Variants in DCLK1 observed in about 807,000 individuals in gnomAD.
The protein encoded by DCLK1 is doublecortin like kinase 1, also known as serine/threonine-protein kinase DCLK1.
DCLK1 carries 16 observed loss-of-function variants against 86.2 expected under a neutral mutation model. That is an observed-to-expected ratio of 0.19 (90% CI 0.13 to 0.28). The LOEUF (loss-of-function observed/expected upper bound fraction) is 0.28. Ranked by LOEUF, DCLK1 falls within the 10% of genes least tolerant of loss-of-function variation. DCLK1 has a pLI of 1.00. For missense variants in DCLK1, 590 were observed against 940.2 expected (o/e 0.63, Z 4.87); for synonymous variants, 369 against 370.5 (o/e 1.00, Z 0.05).
chr13:35,976,166 T>C (rs1456894879), intron 3 of DCLK1, among the ~76,000 whole-genome samples: 4 of 152,014 alleles, frequency 2.6e-5, no homozygotes, highest in Non-Finnish European at 5.9e-5. Flanking sequence ...TTCAAAGCAT[T>C]GTAGGGTGGG....
rs960082382 is a variant in DCLK1, at chr13:35,772,119, T to C, written c.*2416A>G. On this transcript the variant is annotated 3_prime_UTR_variant, in exon 17 of 17. Transcript: ENST00000360631. Reference sequence around the variant, plus strand: ...ACTTGACTGGTCACATTCCACTGTTTATTCAGCATAGATCACTCAAATTCT... The same window carrying C: ...ACTTGACTGGTCACATTCCACTGTTCATTCAGCATAGATCACTCAAATTCT... 1.3e-5 allele frequency: 2 copies of C among 152,210 alleles called. No homozygotes were observed. Among genetic ancestry groups the C allele is most frequent in the African/African-American group, 4.8e-5 (2 of 41,458 alleles). 9.4% of individuals were successfully genotyped at this position (152,210 alleles called of 1,614,324 possible).
chr13:35,934,251 A>G (rs576544715), intron 4 of DCLK1, among the ~76,000 whole-genome samples: 1 of 151,970 alleles, frequency 6.6e-6, no homozygotes, highest in South Asian at 2.1e-4. Flanking sequence ...AACTGTTCCA[A>G]CCTCTGCCTG....
chr13:35,855,478 C>T (rs1266115895), intron 5 of DCLK1: 9 of 1,587,978 alleles, frequency 5.7e-6, no homozygotes, highest in East Asian at 2.3e-5. Context: ...AAATGCTTTC[C>T]ACAAGGGAGA....
intron 4 of DCLK1, among the ~76,000 whole-genome samples, chr13:35,916,221 G>T (rs1438731173): frequency 6.6e-6 from 1 of 152,092 alleles, no homozygotes; most frequent in African/African-American, 2.4e-5. Context: ...CATAAATAAC[G>T]TTTGCATTTG....
At position 35,771,993 on chromosome 13, in the gene DCLK1, T is replaced by C. The variant is rs938319244; in HGVS notation, c.*2542A>G. ...GATACACCAATGTAGTCAGCATGCC[T>C]TGTGCTTGTCTGTTAACCCTCTGAG... On this transcript the variant is annotated 3_prime_UTR_variant, in exon 17 of 17. Transcript: ENST00000360631. 1.3e-5 allele frequency: 2 copies of C among 152,222 alleles called. No homozygotes were observed. Among genetic ancestry groups the C allele is most frequent in the African/African-American group, 4.8e-5 (2 of 41,454 alleles). 9.4% of individuals were successfully genotyped at this position (152,222 alleles called of 1,614,324 possible).
intron 15 of DCLK1, among the ~76,000 whole-genome samples, chr13:35,803,742 G>A (rs558562507): frequency 6.6e-5 from 10 of 152,182 alleles, no homozygotes; most frequent in African/African-American, 2.2e-4. Flanking sequence ...CAAATCACTC[G>A]ACTACTCACC....
chr13:35,932,998 C>T (rs1876541209), intron 4 of DCLK1, among the ~76,000 whole-genome samples: 1 of 152,178 alleles, frequency 6.6e-6, no homozygotes, highest in Admixed American at 6.5e-5. Flanking sequence ...TAGTTACTTC[C>T]TAGATACAAT....
At chr13:35,860,803 G>A (rs951492453) in intron 5 of DCLK1, among the ~76,000 whole-genome samples, 3 of 152,184 alleles carry the variant, frequency 2.0e-5, no homozygotes, top group Non-Finnish European at 4.4e-5. Flanking sequence ...GTACTGCAGG[G>A]CTGGGGAAGA....
At chr13:36,083,193 G>A (rs994974576) in intron 3 of DCLK1, among the ~76,000 whole-genome samples, 10 of 152,156 alleles carry the variant, frequency 6.6e-5, no homozygotes, top group Non-Finnish European at 1.0e-4. Flanking sequence ...AAAAAGACCA[G>A]GTTATCTTGA....
intron 3 of DCLK1, among the ~76,000 whole-genome samples, chr13:36,031,210 A>G (rs966655524): frequency 3.3e-5 from 5 of 152,188 alleles, no homozygotes; most frequent in Non-Finnish European, 7.3e-5. Flanking sequence ...CCAAAATCAA[A>G]TTAGCAAATA....
chr13:35,929,820 C>G (rs1052168877), intron 4 of DCLK1, among the ~76,000 whole-genome samples: 4 of 150,890 alleles, frequency 2.7e-5, no homozygotes, highest in Non-Finnish European at 5.9e-5. Context: ...AGTGATTCAG[C>G]CTATTGAAAA....
chr13:35,855,319 T>C (rs1158147540), intron 5 of DCLK1, among the ~76,000 whole-genome samples: 2 of 152,192 alleles, frequency 1.3e-5, no homozygotes, highest in Non-Finnish European at 2.9e-5. Flanking sequence ...AGTAACATCA[T>C]CTCTAACAAC....
At chr13:35,955,812 G>A (rs1328789340) in intron 3 of DCLK1, among the ~76,000 whole-genome samples, 2 of 152,094 alleles carry the variant, frequency 1.3e-5, no homozygotes, top group South Asian at 4.1e-4. Flanking sequence ...AGAACACCAG[G>A]GATGAGCAGC....
chr13:35,871,088 C>T (rs1173050605), intron 5 of DCLK1, 136 bp downstream of exon 5: 7 of 656,524 alleles, frequency 1.1e-5, no homozygotes, highest in East Asian at 5.4e-5. Flanking sequence ...TCTGTTCAAC[C>T]GCTCTAAGAT....
chr13:35,838,452 T>G (rs533210342), intron 7 of DCLK1, among the ~76,000 whole-genome samples: 4 of 152,218 alleles, frequency 2.6e-5, no homozygotes, highest in African/African-American at 9.6e-5. Flanking sequence ...AGGAAGGAAA[T>G]AGGTGTGATT....
intron 8 of DCLK1, among the ~76,000 whole-genome samples, chr13:35,829,778 G>A (rs906999499): frequency 5.3e-5 from 8 of 152,156 alleles, no homozygotes; most frequent in South Asian, 4.1e-4. Flanking sequence ...GGTTCAGGTG[G>A]TAGAAGGTAA....
chr13:35,934,248 C>T (rs1446239014), intron 4 of DCLK1, among the ~76,000 whole-genome samples: 1 of 152,218 alleles, frequency 6.6e-6, no homozygotes, highest in Admixed American at 6.5e-5. Context: ...CCAAACTGTT[C>T]CAACCTCTGC....
chr13:36,033,435 T>C (rs538496587), intron 3 of DCLK1, among the ~76,000 whole-genome samples: 25 of 152,160 alleles, frequency 1.6e-4, no homozygotes, highest in Non-Finnish European at 2.4e-4. Flanking sequence ...CAGGCTGGCA[T>C]AGGGTAAAGA....
intron 6 of DCLK1, chr13:35,850,566 A>G (rs1408432417): frequency 6.4e-6 from 8 of 1,258,052 alleles, no homozygotes; most frequent in Non-Finnish European, 7.0e-6. Context: ...CATCACGAAA[A>G]CAAAATGCAT....
Sources: gnomAD v4.1 joint callset for allele counts (sites outside exome capture counted in the v4.1 genomes callset) on GRCh38, gnomAD v4.1.1 for gene constraint, MANE v1.5 for transcripts, NCBI Gene and HGNC (gene_info 2026-07-23, HGNC 2026-07-21) for gene names.